The following ZC3HAV1 variants were observed in gnomAD, a reference collection of about 807,000 sequenced individuals.
The protein encoded by ZC3HAV1 is zinc finger CCCH-type antiviral protein 1.
A neutral mutation model predicts 86.6 loss-of-function variants in ZC3HAV1; 41 were observed. The ratio of observed to expected loss-of-function variants is 0.47; its 90% confidence interval spans 0.37 to 0.61. ZC3HAV1 has a LOEUF of 0.61. ZC3HAV1 is among the 20% of genes least tolerant of loss of function. ZC3HAV1 has a pLI of 0.00. For synonymous variants in ZC3HAV1, 421 were observed against 432.1 expected, an observed-to-expected ratio of 0.97 and a Z score of 0.32; for missense variants, 964 against 1,141.1, an observed-to-expected ratio of 0.84 and a Z score of 2.24.
rs558404790 is a variant in ZC3HAV1, at chr7:139,091,300, C to A, written c.309-1541G>T. ...GGATCACGAGGTCAGGAGATCGAGACGTCCTGGCTAACACTGTGAAACCAC... is the reference window on the plus strand; with the variant it reads ...GGATCACGAGGTCAGGAGATCGAGAAGTCCTGGCTAACACTGTGAAACCAC... On this transcript the variant is annotated intron_variant, in intron 1 of 12. Coordinates refer to ENST00000242351, the MANE Select transcript of ZC3HAV1 (RefSeq NM_020119.4). 5.3e-5 allele frequency among the ~76,000 whole-genome samples: 8 copies of A among 152,258 alleles called. No individual in the cohort carries two copies. In the South Asian group the frequency reaches 8.3e-4, roughly 16 times the overall value.
chr7:139,065,326 T>G (rs529446861), intron 7 of ZC3HAV1, among the ~76,000 whole-genome samples: 1 of 152,358 alleles, frequency 6.6e-6, no homozygotes, highest in East Asian at 1.9e-4. Flanking sequence ...TCTTTTCTGA[T>G]GCCACGCCGG....
At chr7:139,083,460 G>C (rs1044049993) in intron 3 of ZC3HAV1, among the ~76,000 whole-genome samples, 3 of 152,122 alleles carry the variant, frequency 2.0e-5, no homozygotes, top group Non-Finnish European at 2.9e-5. Flanking sequence ...CGGGTGCAGT[G>C]GCTCATGCTT....
chr7:139,061,249 G>T, intron 8 of ZC3HAV1, 111 bp from the exon 9 acceptor site: 1 of 969,080 alleles, frequency 1.0e-6, no homozygotes, highest in Non-Finnish European at 1.5e-6. Flanking sequence ...AGACTGACCT[G>T]TATGTATACG....
chr7:139,064,921 G>T lies in ZC3HAV1; in HGVS notation c.1951C>A (p.Pro651Thr). 1.9e-6 allele frequency: 3 copies of T among 1,614,140 alleles called. No individual in the cohort carries two copies. Among genetic ancestry groups the T allele is most frequent in the Non-Finnish European group, 2.5e-6 (3 of 1,180,028 alleles). The stretch of plus-strand genomic sequence containing the variant: ...TAGTTCCGTGAGCCCGCCTGAAATG[G>T]CACAACTCCCCTCGGACAGGATTGA... ...LYQSCPRGVV[P>T]FQAGSRNYEL... Residue 651 changes from proline (P) to threonine (T), a missense_variant, in exon 8 of 13, where the codon CCA becomes ACA. By Grantham distance (38) the Pro-to-Thr change is conservative. Transcript: ENST00000242351.
At chr7:139,058,422 C>G (rs1199921165) in intron 9 of ZC3HAV1, among the ~76,000 whole-genome samples, 1 of 143,898 alleles carries the variant, frequency 6.9e-6, no homozygotes, top group African/African-American at 2.6e-5. Context: ...CCACTGCACC[C>G]CAGCAACCTA....
Position 139,059,502 on chromosome 7 carries a change from A to T in ZC3HAV1, c.2096+1534T>A, listed in dbSNP as rs1260689291. ...CATAGTGCCATGTGCCTGTAGTCCC[A>T]GCTACTCAGGAGGCTGAGGCAGGAG... On this transcript the variant is annotated intron_variant, in intron 9 of 12. Transcript: ENST00000242351. Among the ~76,000 whole-genome samples the T allele has an allele frequency of 2.6e-5, 4 of 152,144 alleles. No homozygotes were observed. In the South Asian group the frequency reaches 8.3e-4, roughly 32 times the overall value.
intron 1 of ZC3HAV1, among the ~76,000 whole-genome samples, chr7:139,102,748 C>T (rs1817811918): frequency 6.7e-6 from 1 of 149,442 alleles, no homozygotes; most frequent in Non-Finnish European, 1.5e-5. Flanking sequence ...CACACACACA[C>T]ACACACACAC....
intron 4 of ZC3HAV1, 38 bp downstream of exon 4, chr7:139,079,432 A>C (rs1343885476): frequency 6.2e-7 from 1 of 1,614,018 alleles, no homozygotes; most frequent in Non-Finnish European, 8.5e-7. Flanking sequence ...TATCATGAAC[A>C]AATGTACTAG....
chr7:139,051,123 T>C (rs1816109756), intron 12 of ZC3HAV1, among the ~76,000 whole-genome samples: 1 of 151,724 alleles, frequency 6.6e-6, no homozygotes, highest in Non-Finnish European at 1.5e-5. Context: ...AATGGCATGA[T>C]CTCAGCTCAC....
chr7:139,089,803 T>C, intron 1 of ZC3HAV1, 44 bp from the exon 2 acceptor site: 2 of 1,549,116 alleles, frequency 1.3e-6, no homozygotes, highest in Non-Finnish European at 1.7e-6. Context: ...ACTACACAGA[T>C]GCAAAGAAAC....
At chr7:139,095,483 CAA>C (rs1440465974) in intron 1 of ZC3HAV1, among the ~76,000 whole-genome samples, 3 of 152,210 alleles carry the variant, frequency 2.0e-5, no homozygotes, top group Admixed American at 6.5e-5. Context: ...ACAGCAGGCA[CAA>C]AGAGAGCCCC....
intron 9 of ZC3HAV1, among the ~76,000 whole-genome samples, chr7:139,058,450 C>G (rs921214919): frequency 4.0e-5 from 6 of 148,614 alleles, no homozygotes; most frequent in South Asian, 2.2e-4. Context: ...ACCCCCCCCC[C>G]CCCCACAAAA....
chr7:139,083,180 TC>T (rs1817175586), intron 3 of ZC3HAV1, among the ~76,000 whole-genome samples: 1 of 149,710 alleles, frequency 6.7e-6, no homozygotes, highest in Admixed American at 6.6e-5. Flanking sequence ...TATGTTTGTT[TC>T]TTTTCCTTAA....
In ZC3HAV1 at chr7:139,083,949, G is replaced by T; in HGVS notation, c.528C>A (p.His176Gln). 6.2e-7 allele frequency: 1 copy of T among 1,614,104 alleles called. No homozygotes were observed. Among genetic ancestry groups the T allele is most frequent in the Non-Finnish European group, 8.5e-7 (1 of 1,180,022 alleles). The change falls in exon 3 of 13, where the codon CAC becomes CAA. Residue 176 changes from histidine to glutamine, a missense_variant. Coordinates refer to ENST00000242351, the MANE Select transcript of ZC3HAV1 (RefSeq NM_020119.4). Reference sequence around the variant, plus strand: ...GAAAACGACAGTTCCCTCGGGTGAAGTGGTCACAGATGTGGAGTCTTGAAC... The same window carrying T: ...GAAAACGACAGTTCCCTCGGGTGAATTGGTCACAGATGTGGAGTCTTGAAC... Reference protein sequence around the residue: ...PPCSRLHICDHFTRGNCRFPN... With the variant: ...PPCSRLHICDQFTRGNCRFPN...
chr7:139,103,186 A>C (rs994280320), intron 1 of ZC3HAV1, among the ~76,000 whole-genome samples: 2 of 150,612 alleles, frequency 1.3e-5, no homozygotes, highest in African/African-American at 4.8e-5. Flanking sequence ...GACTATGGGC[A>C]TGCACCACCA....
chr7:139,047,497 C>A lies in ZC3HAV1; in HGVS notation c.*97G>T, dbSNP rs914648811. On this transcript the variant is annotated 3_prime_UTR_variant, in exon 13 of 13. Coordinates refer to ENST00000242351, the MANE Select transcript of ZC3HAV1 (RefSeq NM_020119.4). ...TGATCTAAGACATTAGATAACTGAG[C>A]AGGAAAATATAAAACTTTAACTCCT... The A allele has an allele frequency of 6.5e-6, 10 of 1,534,624 alleles. No individual in the cohort carries two copies. The Admixed American group carries it at 7.8e-5, about 12-fold the overall frequency.
Position 139,045,278 on chromosome 7 carries a change from A to C in ZC3HAV1, c.*2316T>G, listed in dbSNP as rs1054277950. 5.9e-5 allele frequency: 9 copies of C among 152,202 alleles called. No individual in the cohort carries two copies. Among genetic ancestry groups the C allele is most frequent in the African/African-American group, 1.9e-4 (8 of 41,452 alleles). The allele number at this position is 152,202 out of a possible 1,614,324, so 9.4% of individuals were successfully genotyped here. On this transcript the variant is annotated 3_prime_UTR_variant, in exon 13 of 13. Transcript: ENST00000242351. ...TTGAAAACCACTGAACTAGCTAAAA[A>C]TGGGAACCACAAAACTGAAAGGAAG...
At chr7:139,096,090 C>A (rs1313494421) in intron 1 of ZC3HAV1, among the ~76,000 whole-genome samples, 1 of 152,164 alleles carries the variant, frequency 6.6e-6, no homozygotes, top group Non-Finnish European at 1.5e-5. Context: ...TCTCAGCTCA[C>A]CGCAACCTCC....
Position 139,076,314 on chromosome 7 carries a change from T to C in ZC3HAV1, c.1669A>G (p.Lys557Glu), listed in dbSNP as rs1295279834. Residue 557 changes from lysine to glutamate, a missense_variant, in exon 6 of 13, where the codon AAA (lysine) becomes GAA (glutamate). Physicochemically the swap from Lys to Glu is moderately conservative, Grantham distance 56 (BLOSUM62 1). Coordinates refer to ENST00000242351, the MANE Select transcript of ZC3HAV1 (RefSeq NM_020119.4). Reference protein sequence around the residue: ...TDFEHMETIEKGYCNPGIHLC... With the variant: ...TDFEHMETIEEGYCNPGIHLC... ...TGGATTCCGGGGTTACAGTAGCCTTTCTCGATCGTCTCCATGTGCTCAAAG... is the reference window on the plus strand; with the variant it reads ...TGGATTCCGGGGTTACAGTAGCCTTCCTCGATCGTCTCCATGTGCTCAAAG... 6.2e-7 allele frequency: 1 copy of C among 1,614,176 alleles called. No individual in the cohort carries two copies. The highest frequency in any genetic ancestry group is 8.5e-7 in the Non-Finnish European group (1 of 1,180,026).
Sources: gnomAD v4.1 joint callset for allele counts (sites outside exome capture counted in the v4.1 genomes callset) on GRCh38, gnomAD v4.1.1 for gene constraint, MANE v1.5 for transcripts, NCBI Gene and HGNC (gene_info 2026-07-23, HGNC 2026-07-21) for gene names.